Variants in SLIT1 observed in about 807,000 individuals in gnomAD.
The protein encoded by SLIT1 is slit homolog 1 protein.
In SLIT1, 66 loss-of-function variants were observed where a neutral mutation model predicts 186.1. That is an observed-to-expected ratio of 0.35 (90% CI 0.29 to 0.44). SLIT1 has a LOEUF of 0.44. Ranked by LOEUF, SLIT1 falls within the 20% of genes least tolerant of loss-of-function variation. The probability of loss-of-function intolerance (pLI) is 1.00; values close to 1 mark genes in which losing one functional copy is unlikely to be tolerated. For synonymous variants in SLIT1, 761 were observed against 833.8 expected (o/e 0.91, Z 1.50); for missense variants, 1,638 against 2,037.4 (o/e 0.80, Z 3.77).
intron 22 of SLIT1, among the ~76,000 whole-genome samples, chr10:97,037,342 C>T (rs1428476694): frequency 6.6e-6 from 1 of 151,924 alleles, no homozygotes; most frequent in African/African-American, 2.4e-5. Flanking sequence ...GAGAGGTTAT[C>T]CGTCCGCCTC....
Position 97,185,491 on chromosome 10 carries a change from T to G in SLIT1, c.184A>C (p.Asn62His). ...GACCATACTCACAGGCGCTCGGTGT[T>G]CCGAGGTATATTCTTGGGAATGGCC... ...LQAIPKNIPR[N>H]TERLELNGNN... The change falls in exon 1 of 37, where the codon AAC becomes CAC. Residue 62 changes from asparagine (N) to histidine (H), a missense_variant. Physicochemically the swap from Asn to His is moderately conservative, Grantham distance 68. Coordinates refer to ENST00000266058, the MANE Select transcript of SLIT1 (RefSeq NM_003061.3). 6.2e-7 allele frequency: 1 copy of G among 1,612,058 alleles called. No homozygotes were observed. Among genetic ancestry groups the G allele is most frequent in the Non-Finnish European group, 8.5e-7 (1 of 1,179,556 alleles).
At chr10:97,089,668 T>TGGCTGGGGGAGGGAGGCTTC (rs1710900912) in intron 4 of SLIT1, among the ~76,000 whole-genome samples, 2 of 150,752 alleles carry the variant, frequency 1.3e-5, no homozygotes, top group African/African-American at 4.9e-5. Context: ...TCCTTACTCA[T>TGGCTGGGGGAGGGAGGCTTC]GGCTGGGGGA....
chr10:97,109,138 C>A (rs539662566), intron 4 of SLIT1, among the ~76,000 whole-genome samples: 24 of 150,936 alleles, frequency 1.6e-4, no homozygotes, highest in Non-Finnish European at 3.4e-4. Context: ...CGCTTGAGGC[C>A]AGGAGTTCAA....
intron 22 of SLIT1, 126 bp downstream of exon 22, chr10:97,037,572 G>A (rs1589370449): frequency 2.8e-6 from 2 of 709,188 alleles, no homozygotes; most frequent in East Asian, 5.4e-5. Flanking sequence ...TCCCAGAGGG[G>A]AGCAGGGAAA....
chr10:97,108,164 G>A (rs1021849335), intron 4 of SLIT1, among the ~76,000 whole-genome samples: 7 of 152,130 alleles, frequency 4.6e-5, no homozygotes, highest in African/African-American at 1.7e-4. Context: ...CCTCCCCTGG[G>A]GTGGCATCAG....
chr10:97,087,655 TCC>T (rs549056323), intron 4 of SLIT1, among the ~76,000 whole-genome samples: 119 of 152,204 alleles, frequency 7.8e-4, no homozygotes, highest in South Asian at 4.4e-3. Context: ...TGCCTGAGCC[TCC>T]TGATCACACT....
chr10:97,150,280 C>T (rs901978687), intron 4 of SLIT1, among the ~76,000 whole-genome samples: 1 of 152,114 alleles, frequency 6.6e-6, no homozygotes, highest in Non-Finnish European at 1.5e-5. Context: ...TGGGTAATTT[C>T]CCTCAGAGGC....
At chr10:97,112,029 G>A (rs1484029155) in intron 4 of SLIT1, among the ~76,000 whole-genome samples, 2 of 152,072 alleles carry the variant, frequency 1.3e-5, no homozygotes, top group East Asian at 1.9e-4. Flanking sequence ...ACTCACACCC[G>A]CACCCTGACC....
chr10:97,045,782 G>A (rs976312804), intron 18 of SLIT1, among the ~76,000 whole-genome samples: 8 of 152,158 alleles, frequency 5.3e-5, no homozygotes, highest in African/African-American at 1.7e-4. Context: ...AAATCCACAG[G>A]GAGTCCTGTC....
intron 16 of SLIT1, among the ~76,000 whole-genome samples, chr10:97,047,270 T>A (rs576338127): frequency 1.3e-5 from 2 of 152,312 alleles, no homozygotes; most frequent in South Asian, 2.1e-4. Context: ...AAAAATGCCA[T>A]GAAAAATTTA....
At chr10:97,071,618 G>A (rs1367609025) in intron 4 of SLIT1, among the ~76,000 whole-genome samples, 2 of 152,212 alleles carry the variant, frequency 1.3e-5, no homozygotes, top group African/African-American at 4.8e-5. Context: ...AATCAATGGC[G>A]GGTACTAAGA....
In SLIT1 at chr10:97,031,642, G is replaced by A; in HGVS notation, c.2474C>T (p.Pro825Leu). Residue 825 changes from proline (P) to leucine (L), a missense_variant, in exon 24 of 37, where the codon CCT (proline) becomes CTT (leucine). Around this residue, in one of 3 missense-constraint regions of SLIT1, gnomAD observed 1,245 missense variants for 1,535.3 expected, o/e 0.81. Coordinates refer to ENST00000266058, the MANE Select transcript of SLIT1 (RefSeq NM_003061.3). ...GGAGCGGAGTCCCTGGAAGGCCAAA[G>A]GCGGGATGCACTGCAGGGCATTGTA... ...LSYNALQCIP[P>L]LAFQGLRSLR... 6.4e-7 allele frequency: 1 copy of A among 1,552,286 alleles called. No individual in the cohort carries two copies. The highest frequency in any genetic ancestry group is 2.4e-5 in the East Asian group (1 of 41,042).
rs1426123722 is a variant in SLIT1, at chr10:97,161,703, A to C, written c.341+1677T>G. On this transcript the variant is annotated intron_variant, in intron 3 of 36. Coordinates refer to ENST00000266058, the MANE Select transcript of SLIT1 (RefSeq NM_003061.3). ...TGAGGTAGGAGAATCGCTTGAACCCAAGAGGCGGAGATTGCAGTGAGCCGA... is the reference window on the plus strand; with the variant it reads ...TGAGGTAGGAGAATCGCTTGAACCCCAGAGGCGGAGATTGCAGTGAGCCGA... 2.0e-5 allele frequency among the ~76,000 whole-genome samples: 3 copies of C among 152,160 alleles called. No individual in the cohort carries two copies. In the East Asian group the frequency reaches 5.8e-4, roughly 29 times the overall value.
Position 97,047,805 on chromosome 10 carries a change from A to T in SLIT1, c.1519T>A (p.Cys507Ser), listed in dbSNP as rs988728620. 2 of 1,613,804 alleles carry T rather than the reference A, an allele frequency of 1.2e-6. No homozygotes were observed. The highest frequency in any genetic ancestry group is 1.7e-5 in the Admixed American group (1 of 59,994). Residue 507 changes from cysteine (C) to serine (S), a missense_variant, in exon 16 of 37, where the codon TGC becomes AGC. Cys to Ser is a moderately radical substitution (Grantham distance 112). Coordinates refer to ENST00000266058, the MANE Select transcript of SLIT1 (RefSeq NM_003061.3). The part of the protein sequence containing the change: ...GTEDYQLNSE[C>S]NSDVVCPHKC... ...TGGGGACAGACCACGTCGCTGTTGC[A>T]CTCGCTGTTCAGCTGGTAATCCTCC...
At chr10:97,151,280 G>C (rs1849875532) in intron 4 of SLIT1, among the ~76,000 whole-genome samples, 1 of 152,084 alleles carries the variant, frequency 6.6e-6, no homozygotes, top group South Asian at 2.1e-4. Flanking sequence ...GAATACAGGG[G>C]TGGAGGAAGG....
chr10:97,151,105 T>C (rs1242148627), intron 4 of SLIT1, among the ~76,000 whole-genome samples: 8 of 152,132 alleles, frequency 5.3e-5, no homozygotes, highest in African/African-American at 1.9e-4. Flanking sequence ...AGAGCACTGA[T>C]GACAGACCTG....
chr10:97,124,196 A>T (rs1042186476), intron 4 of SLIT1, among the ~76,000 whole-genome samples: 1 of 152,206 alleles, frequency 6.6e-6, no homozygotes, highest in Non-Finnish European at 1.5e-5. Context: ...AAATATGAAA[A>T]ATGGTAGGAA....
In SLIT1 at chr10:97,016,632, T is replaced by C. The variant is rs535010632; in HGVS notation, c.2969+1954A>G. ...CATGTTGCCCAGGCTAGTCTCCAAC[T>C]ACTTGTCTTAAGGCCCTTCCACCTT... On this transcript the variant is annotated intron_variant, in intron 28 of 36. Coordinates refer to ENST00000266058, the MANE Select transcript of SLIT1 (RefSeq NM_003061.3). Among the ~76,000 whole-genome samples, 81 of 152,362 alleles carry C rather than the reference T, an allele frequency of 5.3e-4. 1 individual carries two copies. Among genetic ancestry groups the C allele is most frequent in the African/African-American group, 1.8e-3 (74 of 41,582 alleles).
intron 18 of SLIT1, 35 bp downstream of exon 18, chr10:97,046,619 C>T (rs1564661165): frequency 1.3e-6 from 2 of 1,560,462 alleles, no homozygotes; most frequent in South Asian, 2.3e-5. Flanking sequence ...CCTCCTGCAG[C>T]TGGCCCACCC....
Sources: allele counts gnomAD v4.1 joint callset (sites outside exome capture counted in the v4.1 genomes callset), GRCh38; gene constraint gnomAD v4.1.1; regional missense constraint gnomAD v4.1.1; transcripts MANE v1.5; gene names NCBI Gene and HGNC (gene_info 2026-07-23, HGNC 2026-07-21).